NCAM2: variants seen among roughly 807,000 people sequenced by gnomAD.
NCAM2 encodes neural cell adhesion molecule 2.
In NCAM2, 30 loss-of-function variants were observed where a neutral mutation model predicts 98.1. The ratio of observed to expected loss-of-function variants is 0.31; its 90% CI spans 0.23 to 0.41. The LOEUF is 0.41. Among genes scored for constraint, NCAM2 ranks in the 10% least tolerant of loss-of-function variants. The pLI is 1.00. For synonymous variants in NCAM2, 368 were observed against 342.4 expected (o/e 1.07, Z -0.83); for missense variants, 867 against 1,005.8 (o/e 0.86, Z 1.87).
intron 11 of NCAM2, among the ~76,000 whole-genome samples, chr21:21,430,123 G>A (rs1003468864): frequency 2.6e-5 from 4 of 151,808 alleles, no homozygotes; most frequent in Non-Finnish European, 4.4e-5. Context: ...CTACCTCCTG[G>A]GTTCAACCAA....
chr21:21,150,349 G>A (rs2067411701), intron 1 of NCAM2, among the ~76,000 whole-genome samples: 1 of 151,944 alleles, frequency 6.6e-6, no homozygotes, highest in African/African-American at 2.4e-5. Flanking sequence ...TTCTTGCCTA[G>A]TCTGCTGCCT....
Position 21,418,454 on chromosome 21 carries a change from G to A in NCAM2, c.1384-19G>A. The A allele has an allele frequency of 1.9e-6, 3 of 1,550,650 alleles. No homozygotes were observed. Among genetic ancestry groups the A allele is most frequent in the Non-Finnish European group, 2.7e-6 (3 of 1,123,820 alleles). On this transcript the variant is annotated intron_variant, in intron 10 of 17. Transcript: ENST00000400546. Reference sequence around the variant, plus strand: ...GTGATGTTTTAGAATTGTAACATTTGTTATTATAATTATTTCAGATTGCAC... The same window carrying A: ...GTGATGTTTTAGAATTGTAACATTTATTATTATAATTATTTCAGATTGCAC...
At chr21:21,490,722 T>C (rs150348198) in intron 15 of NCAM2, among the ~76,000 whole-genome samples, 81 of 152,018 alleles carry the variant, frequency 5.3e-4, no homozygotes, top group African/African-American at 1.9e-3. Context: ...TACATTTTCA[T>C]TGATGTCATG....
chr21:21,207,196 A>G (rs1283917892), intron 1 of NCAM2, among the ~76,000 whole-genome samples: 1 of 152,192 alleles, frequency 6.6e-6, no homozygotes, highest in Non-Finnish European at 1.5e-5. Flanking sequence ...TAATCAGAAT[A>G]TTGTTATGTT....
chr21:21,530,286 AATTATATATAATT>A (rs1569142038), intron 16 of NCAM2, among the ~76,000 whole-genome samples: 1 of 126,990 alleles, frequency 7.9e-6, no homozygotes, highest in Non-Finnish European at 1.6e-5. Flanking sequence ...AATTTAATTT[AATTATATATAATT>A]AAATTAAATT....
chr21:21,431,077 G>T, intron 11 of NCAM2, among the ~76,000 whole-genome samples: 1 of 145,380 alleles, frequency 6.9e-6, no homozygotes, highest in Non-Finnish European at 1.5e-5. Context: ...AAAAATTCAA[G>T]GTGAGATTTG....
intron 1 of NCAM2, among the ~76,000 whole-genome samples, chr21:21,051,774 A>G (rs888791583): frequency 2.0e-5 from 3 of 152,162 alleles, no homozygotes; most frequent in Non-Finnish European, 4.4e-5. Flanking sequence ...CTGGAGTCTC[A>G]TACAATTGTA....
intron 1 of NCAM2, among the ~76,000 whole-genome samples, chr21:21,197,272 G>A (rs2069038192): frequency 6.6e-6 from 1 of 152,150 alleles, no homozygotes; most frequent in Admixed American, 6.6e-5. Flanking sequence ...TGGGATTGCA[G>A]GTGCCCAGCA....
intron 1 of NCAM2, among the ~76,000 whole-genome samples, chr21:21,112,663 C>CT (rs1217297816): frequency 1.3e-5 from 2 of 152,100 alleles, no homozygotes; most frequent in East Asian, 3.9e-4. Context: ...GAAGAGAAAA[C>CT]TTTTATCGGT....
chr21:21,108,098 C>A (rs2066386363), intron 1 of NCAM2, among the ~76,000 whole-genome samples: 1 of 151,952 alleles, frequency 6.6e-6, no homozygotes, highest in South Asian at 2.1e-4. Context: ...TTCTTTAAAT[C>A]CTGTACTTTA....
chr21:21,277,868 G>A lies in NCAM2; in HGVS notation c.56-2710G>A, dbSNP rs185333242. 3.4e-3 allele frequency among the ~76,000 whole-genome samples: 514 copies of A among 151,806 alleles called. 1 individual carries two copies. The highest frequency in any genetic ancestry group is 0.012 in the African/African-American group (493 of 41,466). On this transcript the variant is annotated intron_variant, in intron 1 of 17. Coordinates refer to ENST00000400546, the MANE Select transcript of NCAM2 (RefSeq NM_004540.5). ...ATATTGGATTAAAATTAATGAGTGC[G>A]TGTATTTAAAAATAAAAAAATGCAT...
At chr21:21,285,233 A>G (rs1411264378) in intron 3 of NCAM2, among the ~76,000 whole-genome samples, 1 of 151,872 alleles carries the variant, frequency 6.6e-6, no homozygotes, top group Non-Finnish European at 1.5e-5. Context: ...GGTAAATTAT[A>G]TATATATTAG....
chr21:21,418,741 G>A (rs1047063270), intron 11 of NCAM2, among the ~76,000 whole-genome samples, 172 bp downstream of exon 11: 2 of 152,084 alleles, frequency 1.3e-5, no homozygotes, highest in Non-Finnish European at 2.9e-5. Context: ...GGGAAGGAGG[G>A]AATGAAGAGG....
intron 16 of NCAM2, among the ~76,000 whole-genome samples, chr21:21,522,361 A>T (rs946245712): frequency 2.7e-5 from 4 of 150,232 alleles, no homozygotes; most frequent in Non-Finnish European, 5.9e-5. Context: ...AGCCAGAGGT[A>T]AAAACGCCCT....
chr21:21,453,013 A>G (rs1358722740), intron 12 of NCAM2, among the ~76,000 whole-genome samples: 1 of 105,278 alleles, frequency 9.5e-6, no homozygotes, highest in Non-Finnish European at 1.8e-5. Flanking sequence ...TATAATATAT[A>G]AAAATATATA....
chr21:21,257,719 G>A (rs2071730202), intron 1 of NCAM2, among the ~76,000 whole-genome samples: 1 of 151,688 alleles, frequency 6.6e-6, no homozygotes, highest in Non-Finnish European at 1.5e-5. Flanking sequence ...AGTAGCTGGG[G>A]TTCCAGGGAC....
chr21:21,014,083 G>T, intron 1 of NCAM2, among the ~76,000 whole-genome samples: 1 of 152,184 alleles, frequency 6.6e-6, no homozygotes, highest in Admixed American at 6.5e-5. Context: ...TCTTCTTAGG[G>T]AATAATACAG....
chr21:21,352,425 A>C (rs1458746222), intron 8 of NCAM2, among the ~76,000 whole-genome samples: 2 of 151,940 alleles, frequency 1.3e-5, no homozygotes, highest in Non-Finnish European at 2.9e-5. Flanking sequence ...CCTGGCTCCA[A>C]ATTTATTTAG....
At chr21:21,246,949 A>G (rs2071293165) in intron 1 of NCAM2, among the ~76,000 whole-genome samples, 1 of 152,192 alleles carries the variant, frequency 6.6e-6, no homozygotes, top group Non-Finnish European at 1.5e-5. Flanking sequence ...ATCTTGAATA[A>G]TAGCATTTAA....
Sources: gnomAD v4.1 joint callset for allele counts (sites outside exome capture counted in the v4.1 genomes callset) on GRCh38, gnomAD v4.1.1 for gene constraint, MANE v1.5 for transcripts, NCBI Gene and HGNC (gene_info 2026-07-23, HGNC 2026-07-21) for gene names.